The following NFIC variants were observed in gnomAD, a reference collection of about 807,000 sequenced individuals.
NFIC encodes nuclear factor 1 C-type.
Under a neutral mutation model 54.4 loss-of-function variants are expected in NFIC, and 12 were observed. The ratio of observed to expected loss-of-function variants is 0.22; its 90% CI spans 0.14 to 0.36. The LOEUF (loss-of-function observed/expected upper bound fraction) is 0.36. Ranked by LOEUF, NFIC falls within the 10% of genes least tolerant of loss-of-function variation. The probability of loss-of-function intolerance (pLI) is 1.00; values close to 1 mark genes in which losing one functional copy is unlikely to be tolerated. For synonymous variants in NFIC, 322 were observed against 319.2 expected, an observed-to-expected ratio of 1.01 and a Z score of -0.09; for missense variants, 575 against 718.2, an observed-to-expected ratio of 0.80 and a Z score of 2.28.
chr19:3,462,968 G>A lies in NFIC; in HGVS notation c.*199G>A. 1 of 1,413,992 alleles carries A rather than the reference G, an allele frequency of 7.1e-7. No individual in the cohort carries two copies. Among genetic ancestry groups the A allele is most frequent in the Non-Finnish European group, 9.2e-7 (1 of 1,090,522 alleles). 87.6% of individuals were successfully genotyped at this position (1,413,992 alleles called of 1,614,324 possible). A position where few individuals can be genotyped will look rare whatever the true frequency, so the allele number is the denominator to read the frequency against. On this transcript the variant is annotated 3_prime_UTR_variant, in exon 11 of 11. Coordinates refer to ENST00000443272, the MANE Select transcript of NFIC (RefSeq NM_001245002.2). ...AGAAAAAACAAAGGCAGAAGAAGAA[G>A]AAGAAGAAATAAAAACCCACCCAAG...
intron 6 of NFIC, among the ~76,000 whole-genome samples, chr19:3,447,935 A>T (rs183801818): frequency 6.6e-6 from 1 of 152,276 alleles, no homozygotes; most frequent in East Asian, 1.9e-4. Context: ...TCACAGTTTC[A>T]TTCTTGTTGC....
chr19:3,448,275 G>C (rs779543128), intron 6 of NFIC, among the ~76,000 whole-genome samples: 2 of 152,182 alleles, frequency 1.3e-5, no homozygotes, highest in Non-Finnish European at 2.9e-5. Context: ...GTTTCACCAT[G>C]TTGGCCAGGC....
In NFIC at chr19:3,381,756, C is replaced by T. The variant is rs769477819; in HGVS notation, c.75C>T (p.Arg25=). Residue 25 remains arginine (R), a synonymous_variant, in exon 2 of 11, where the codon CGC becomes CGT. Coordinates refer to ENST00000443272, the MANE Select transcript of NFIC (RefSeq NM_001245002.2). Reference sequence around the variant, plus strand: ...TCGAGGCCCTGCTGCCTCACGTCCGCGCCTTCGCCTACACCTGGTTCAACC... The same window carrying T: ...TCGAGGCCCTGCTGCCTCACGTCCGTGCCTTCGCCTACACCTGGTTCAACC... ...PFIEALLPHV[R]AFAYTWFNLQ... 10 of 1,613,768 alleles carry T rather than the reference C, an allele frequency of 6.2e-6. No homozygotes were observed. Among genetic ancestry groups the T allele is most frequent in the African/African-American group, 1.3e-5 (1 of 74,956 alleles).
chr19:3,438,971 C>A (rs924877843), intron 6 of NFIC, among the ~76,000 whole-genome samples: 2 of 151,998 alleles, frequency 1.3e-5, no homozygotes, highest in African/African-American at 4.8e-5. Context: ...GGGAGGACCT[C>A]CCCGAGGAGG....
intron 2 of NFIC, among the ~76,000 whole-genome samples, chr19:3,419,932 G>A (rs2081927412): frequency 6.6e-6 from 1 of 152,112 alleles, no homozygotes; most frequent in Admixed American, 6.6e-5. Context: ...GTGGTGAGAG[G>A]CTGGATGTTT....
rs1209581438 is a variant in NFIC, at chr19:3,463,695, A to G, written c.*926A>G. On this transcript the variant is annotated 3_prime_UTR_variant, in exon 11 of 11. Transcript: ENST00000443272. ...CTCACACCCCCAAAGGGAGGGACCC[A>G]CATTGCACACACTGTAAGAAATGCA... 2.1e-6 allele frequency: 2 copies of G among 961,910 alleles called. No individual in the cohort carries two copies. Among genetic ancestry groups the G allele is most frequent in the Non-Finnish European group, 2.4e-6 (2 of 825,380 alleles). The allele number at this position is 961,910 out of a possible 1,614,324, so 59.6% of individuals were successfully genotyped here. A position where few individuals can be genotyped will look rare whatever the true frequency, so the allele number is the denominator to read the frequency against.
intron 2 of NFIC, among the ~76,000 whole-genome samples, chr19:3,405,117 C>T (rs2081626010): frequency 6.6e-6 from 1 of 152,230 alleles, no homozygotes; most frequent in African/African-American, 2.4e-5. Flanking sequence ...AAAGTGATTC[C>T]GAAGCAGGTT....
intron 1 of NFIC, among the ~76,000 whole-genome samples, chr19:3,368,465 G>A (rs1040962761): frequency 2.6e-5 from 4 of 152,192 alleles, no homozygotes; most frequent in Admixed American, 6.5e-5. Flanking sequence ...ACCAAAAAAC[G>A]GAGAGGCTAA....
chr19:3,397,241 T>C (rs1253285641), intron 2 of NFIC, among the ~76,000 whole-genome samples: 2 of 152,164 alleles, frequency 1.3e-5, no homozygotes, highest in Non-Finnish European at 2.9e-5. Flanking sequence ...TAAGGTCACA[T>C]AGCTAAGGAG....
intron 3 of NFIC, among the ~76,000 whole-genome samples, chr19:3,429,668 A>G (rs1383117582): frequency 6.6e-6 from 1 of 152,152 alleles, no homozygotes; most frequent in Non-Finnish European, 1.5e-5. Context: ...AGCTCCCTGC[A>G]GTCCGTGCTG....
chr19:3,361,135 G>C (rs975637973), intron 1 of NFIC, among the ~76,000 whole-genome samples: 1 of 152,218 alleles, frequency 6.6e-6, no homozygotes, highest in Non-Finnish European at 1.5e-5. Flanking sequence ...GGCCCGAGGG[G>C]GTCCTGGCTG....
chr19:3,464,250 G>C lies in NFIC; in HGVS notation c.*1481G>C, dbSNP rs923412059. 2 of 985,290 alleles carry C rather than the reference G, an allele frequency of 2.0e-6. No individual in the cohort carries two copies. Among genetic ancestry groups the C allele is most frequent in the Non-Finnish European group, 2.4e-6 (2 of 829,940 alleles). 61.0% of individuals were successfully genotyped at this position (985,290 alleles called of 1,614,324 possible). A position where few individuals can be genotyped will look rare whatever the true frequency, so the allele number is the denominator to read the frequency against. Reference sequence around the variant, plus strand: ...GAGGAGAGAGGAGGCCGACGCCAGCGGTCCCCGCTCGGAACGGGGAGGGTT... The same window carrying C: ...GAGGAGAGAGGAGGCCGACGCCAGCCGTCCCCGCTCGGAACGGGGAGGGTT... On this transcript the variant is annotated 3_prime_UTR_variant, in exon 11 of 11. Transcript: ENST00000443272.
At chr19:3,456,707 G>A (rs117299764) in intron 10 of NFIC, 72 bp downstream of exon 10, 48,600 of 1,311,426 alleles carry the variant, frequency 0.037, 1,101 homozygotes, top group Non-Finnish European at 0.045. Flanking sequence ...GGCTCAGGGC[G>A]AAGAGGGCCT....
chr19:3,449,288 AGAGCGCCCAG>A (rs2082420837), intron 7 of NFIC, 149 bp downstream of exon 7: 1 of 1,287,042 alleles, frequency 7.8e-7, no homozygotes, highest in Non-Finnish European at 1.0e-6. Flanking sequence ...GCCGTAGTGG[AGAGCGCCCAG>A]GGCCTTGTTC....
chr19:3,434,433 C>A, intron 5 of NFIC, 33 bp downstream of exon 5: 1 of 1,561,840 alleles, frequency 6.4e-7, no homozygotes, highest in Non-Finnish European at 8.7e-7. Flanking sequence ...CTGGGCATTT[C>A]ATGACCCCAT....
chr19:3,398,883 C>A (rs772811506), intron 2 of NFIC, among the ~76,000 whole-genome samples: 1 of 152,238 alleles, frequency 6.6e-6, no homozygotes, highest in African/African-American at 2.4e-5. Context: ...GGCACTGGTG[C>A]GAATTCATAG....
Position 3,462,915 on chromosome 19 carries a change from C to T in NFIC, c.*146C>T. ...TCCCAGCCCGGCCAAAAAGACAAAACACATAGACGCACACACTCAGGAGGA... is the reference window on the plus strand; with the variant it reads ...TCCCAGCCCGGCCAAAAAGACAAAATACATAGACGCACACACTCAGGAGGA... On this transcript the variant is annotated 3_prime_UTR_variant, in exon 11 of 11. Transcript: ENST00000443272. 1.3e-6 allele frequency: 2 copies of T among 1,533,428 alleles called. No homozygotes were observed. The highest frequency in any genetic ancestry group is 1.7e-6 in the Non-Finnish European group (2 of 1,148,680). 95.0% of individuals were successfully genotyped at this position (1,533,428 alleles called of 1,614,324 possible).
chr19:3,360,636 G>GTC (rs2080799018), intron 1 of NFIC, among the ~76,000 whole-genome samples: 1 of 152,228 alleles, frequency 6.6e-6, no homozygotes, highest in East Asian at 1.9e-4. Context: ...GTCCGCGTGT[G>GTC]TCTGCACATC....
rs971264841 is a variant in NFIC, at chr19:3,464,596, C to T, written c.*1827C>T. On this transcript the variant is annotated 3_prime_UTR_variant, in exon 11 of 11. Coordinates refer to ENST00000443272, the MANE Select transcript of NFIC (RefSeq NM_001245002.2). ...CTCCCCCCACCACTGCCCCCTCCCC[C>T]GACCCAGGCCAAAGCCAGGGCAGGT... 7.8e-5 allele frequency: 76 copies of T among 970,578 alleles called. No homozygotes were observed. Among genetic ancestry groups the T allele is most frequent in the Non-Finnish European group, 8.9e-5 (73 of 817,120 alleles). 60.1% of individuals were successfully genotyped at this position (970,578 alleles called of 1,614,324 possible). A position where few individuals can be genotyped will look rare whatever the true frequency, so the allele number is the denominator to read the frequency against.
Sources: allele counts gnomAD v4.1 joint callset (sites outside exome capture counted in the v4.1 genomes callset), GRCh38; gene constraint gnomAD v4.1.1; transcripts MANE v1.5; gene names NCBI Gene and HGNC (gene_info 2026-07-23, HGNC 2026-07-21).